HELB: variants seen among roughly 807,000 people sequenced by gnomAD.
HELB encodes the protein DNA 5'-3' helicase B.
A neutral mutation model predicts 101.7 loss-of-function variants in HELB; 96 were observed. That is an observed-to-expected ratio of 0.94 (90% CI 0.80 to 1.12). The LOEUF (loss-of-function observed/expected upper bound fraction) is 1.12. HELB is among the 50% of genes most tolerant of loss of function. HELB has a pLI of 0.00. For synonymous variants in HELB, 437 were observed against 459.7 expected (o/e 0.95, Z 0.63); for missense variants, 1,210 against 1,291.9 (o/e 0.94, Z 0.97).
At position 66,333,161 on chromosome 12, in the gene HELB, T is replaced by C. The variant is rs564239842; in HGVS notation, c.3162+1516T>C. On this transcript the variant is annotated intron_variant, in intron 12 of 12. Coordinates refer to ENST00000247815, the MANE Select transcript of HELB (RefSeq NM_001370285.1). ...ATTATATTCCAGCATAGGCAATAAA[T>C]ACAAGAGAAAATCAAATTTCAGATT... Among the ~76,000 whole-genome samples, 7 of 152,210 alleles carry C rather than the reference T, an allele frequency of 4.6e-5. No homozygotes were observed. The South Asian group carries it at 1.5e-3, about 32-fold the overall frequency.
rs1031666469 is a variant in HELB at position 66,305,596 on chromosome 12, T to C, written c.607+446T>C. 6.6e-5 allele frequency among the ~76,000 whole-genome samples: 10 copies of C among 151,844 alleles called. No individual in the cohort carries two copies. In the East Asian group the frequency reaches 1.9e-3, roughly 29 times the overall value. On this transcript the variant is annotated intron_variant, in intron 2 of 12. Transcript: ENST00000247815. ...GTCTCTACAAAAAATTTTTTAAAAATTAGCCAGGTGTGGTGATATATACCT... is the reference window on the plus strand; with the variant it reads ...GTCTCTACAAAAAATTTTTTAAAAACTAGCCAGGTGTGGTGATATATACCT...
At chr12:66,304,463 GA>G (rs1296922020) in intron 1 of HELB, among the ~76,000 whole-genome samples, 1 of 152,194 alleles carries the variant, frequency 6.6e-6, no homozygotes, top group Non-Finnish European at 1.5e-5. Context: ...TTTAGAAGAG[GA>G]ACAGCAGACA....
Position 66,304,986 on chromosome 12 carries a change from T to G in HELB, c.443T>G (p.Val148Gly). The change falls in exon 2 of 13, where the codon GTA (valine) becomes GGA (glycine). Residue 148 changes from valine to glycine, a missense_variant. Physicochemically the swap from Val to Gly is moderately radical, Grantham distance 109. Transcript: ENST00000247815. The stretch of plus-strand genomic sequence containing the variant: ...GATGTTAATAAATTTTTAACATGGG[T>G]AAAGGAGGTATCAAACTACAAAAAC... ...SDDVNKFLTW[V>G]KEVSNYKNLN... 1 of 1,613,892 alleles carries G rather than the reference T, an allele frequency of 6.2e-7. No individual in the cohort carries two copies. Among genetic ancestry groups the G allele is most frequent in the Non-Finnish European group, 8.5e-7 (1 of 1,179,930 alleles).
At chr12:66,339,140 C>G (rs535642116), downstream of HELB, 1 of 152,124 alleles carries the variant, frequency 6.6e-6, no homozygotes, top group Admixed American at 6.5e-5. Context: ...TCCTCACCAA[C>G]GTCTGATTGC....
intron 11 of HELB, among the ~76,000 whole-genome samples, chr12:66,326,705 A>C (rs531723688): frequency 6.1e-5 from 9 of 148,378 alleles, no homozygotes; most frequent in African/African-American, 2.2e-4. Flanking sequence ...GCTTATTAAA[A>C]ATGCCCACAA....
chr12:66,324,007 T>C lies in HELB; in HGVS notation c.2322T>C (p.Phe774=), dbSNP rs1330488436. The C allele has an allele frequency of 6.2e-7, 1 of 1,612,138 alleles. No homozygotes were observed. Among genetic ancestry groups the C allele is most frequent in the Non-Finnish European group, 8.5e-7 (1 of 1,178,412 alleles). The part of the protein sequence containing the change: ...LTKDHQSRLV[F]GIGDKICCTR... ...GAGACCATCAGAGTAGACTTGTTTT[T>C]GGAATTGGTGATAAAATTTGTTGTA... The change falls in exon 10 of 13, where the codon TTT becomes TTC. Residue 774 remains phenylalanine, a synonymous_variant. Coordinates refer to ENST00000247815, the MANE Select transcript of HELB (RefSeq NM_001370285.1).
At chr12:66,327,079 ATATGTT>A (rs1413692146) in intron 11 of HELB, among the ~76,000 whole-genome samples, 3 of 139,202 alleles carry the variant, frequency 2.2e-5, no homozygotes, top group African/African-American at 8.0e-5. Flanking sequence ...ATATATATAT[ATATGTT>A]TATATAGAAA....
At chr12:66,329,387 G>C (rs572147172) in intron 11 of HELB, among the ~76,000 whole-genome samples, 2 of 152,166 alleles carry the variant, frequency 1.3e-5, no homozygotes, top group Non-Finnish European at 1.5e-5. Context: ...GGAAGTACAG[G>C]GTGCTGGAGA....
At chr12:66,337,234 C>T (rs2053876683) in intron 12 of HELB, among the ~76,000 whole-genome samples, 1 of 151,920 alleles carries the variant, frequency 6.6e-6, no homozygotes, top group East Asian at 1.9e-4. Flanking sequence ...CTTCTTTTTC[C>T]CCTCTTGGAC....
chr12:66,318,652 A>G lies in HELB; in HGVS notation c.2015A>G (p.Gln672Arg), dbSNP rs2053636633. The part of the protein sequence containing the change: ...VDNATRISRR[Q>R]FPKFDAELNI... ...CTTTATTCAAGAATCTCAAGACGCC[A>G]ATTTCCAAAATTTGATGCAGAACTA... Residue 672 changes from glutamine to arginine, a missense_variant, in exon 7 of 13, where the codon CAA becomes CGA. This residue lies in a region of HELB where 740 missense variants were observed against 728.8 expected (regional missense o/e 1.02). Coordinates refer to ENST00000247815, the MANE Select transcript of HELB (RefSeq NM_001370285.1). The G allele has an allele frequency of 1.9e-6, 3 of 1,593,988 alleles. No individual in the cohort carries two copies. Among genetic ancestry groups the G allele is most frequent in the East Asian group, 2.2e-5 (1 of 44,520 alleles).
intron 3 of HELB, among the ~76,000 whole-genome samples, chr12:66,308,581 A>C (rs545919127): frequency 2.0e-5 from 3 of 152,266 alleles, no homozygotes; most frequent in East Asian, 3.9e-4. Context: ...TGGAGGCTAC[A>C]AGTCTGAGAT....
At position 66,331,311 on chromosome 12, in the gene HELB, G is replaced by C. The variant is rs2137015065; in HGVS notation, c.2828G>C (p.Arg943Thr). 1.2e-6 allele frequency: 2 copies of C among 1,614,150 alleles called. No homozygotes were observed. The highest frequency in any genetic ancestry group is 8.5e-7 in the Non-Finnish European group (1 of 1,180,012). The change falls in exon 12 of 13, where the codon AGA becomes ACA. Residue 943 changes from arginine (R) to threonine (T), a missense_variant. Arg to Thr is a moderately conservative substitution (Grantham distance 71). This residue lies in a region of HELB where 740 missense variants were observed against 728.8 expected (regional missense o/e 1.02). Transcript: ENST00000247815. ...RNAIMKNSFP[R>T]KTRLKHFLQS... The stretch of plus-strand genomic sequence containing the variant: ...GCCATTATGAAAAACAGTTTTCCTA[G>C]AAAAACTCGTTTGAAACATTTCTTG...
At chr12:66,315,218 C>A (rs368884118) in intron 5 of HELB, 24 bp from the exon 6 acceptor site, 56 of 1,511,320 alleles carry the variant, frequency 3.7e-5, no homozygotes, top group Non-Finnish European at 4.8e-5. Context: ...GTAAGTCTTG[C>A]TACTGTATCT....
At chr12:66,314,688 T>A (rs2053581816) in intron 5 of HELB, among the ~76,000 whole-genome samples, 1 of 152,098 alleles carries the variant, frequency 6.6e-6, no homozygotes. Context: ...AAATTATTAT[T>A]TTTTTAGGTA....
chr12:66,316,816 G>A lies in HELB; in HGVS notation c.2000+1433G>A, dbSNP rs112587716. On this transcript the variant is annotated intron_variant, in intron 6 of 12. Coordinates refer to ENST00000247815, the MANE Select transcript of HELB (RefSeq NM_001370285.1). ...GGGTGGATCACAAGGTCAGGAGATC[G>A]AGACCATCCTGGCTAACATGGTGAA... is the stretch of plus-strand genomic sequence containing the variant. Among the ~76,000 whole-genome samples the A allele has an allele frequency of 2.7e-3, 403 of 151,880 alleles. 5 individuals carry two copies. The highest frequency in any genetic ancestry group is 8.0e-3 in the African/African-American group (333 of 41,444).
chr12:66,334,323 T>G (rs1480600926), intron 12 of HELB, among the ~76,000 whole-genome samples: 1 of 151,382 alleles, frequency 6.6e-6, no homozygotes, highest in African/African-American at 2.4e-5. Flanking sequence ...TTAGCTGAAC[T>G]TGGTAGTGCA....
At chr12:66,314,521 T>C (rs920428085) in intron 5 of HELB, among the ~76,000 whole-genome samples, 1 of 152,168 alleles carries the variant, frequency 6.6e-6, no homozygotes, top group Non-Finnish European at 1.5e-5. Flanking sequence ...AGTAATTTCA[T>C]AATGCTAAGC....
At chr12:66,337,635 A>G (rs539608772) in intron 12 of HELB, among the ~76,000 whole-genome samples, 4 of 151,616 alleles carry the variant, frequency 2.6e-5, no homozygotes, top group Non-Finnish European at 5.9e-5. Flanking sequence ...AAAAAAAAAA[A>G]GTTCTGTAAT....
rs144899608 is a variant in HELB, at chr12:66,318,899, A to G, written c.2155+107A>G. On this transcript the variant is annotated intron_variant, in intron 7 of 12. Coordinates refer to ENST00000247815, the MANE Select transcript of HELB (RefSeq NM_001370285.1). ...ATTTTCTTTAATGGTAAAGAGAAATATTGCTAGCAAAAAAAGAGACATTGA... is the reference window on the plus strand; with the variant it reads ...ATTTTCTTTAATGGTAAAGAGAAATGTTGCTAGCAAAAAAAGAGACATTGA... 2.1e-4 allele frequency: 172 copies of G among 801,926 alleles called. 1 individual carries two copies. In the African/African-American group the frequency reaches 2.7e-3, roughly 13 times the overall value. 49.7% of individuals were successfully genotyped at this position (801,926 alleles called of 1,614,324 possible).
Sources: gnomAD v4.1 joint callset for allele counts (sites outside exome capture counted in the v4.1 genomes callset) on GRCh38, gnomAD v4.1.1 for gene constraint, gnomAD v4.1.1 regional missense constraint, MANE v1.5 for transcripts, NCBI Gene and HGNC (gene_info 2026-07-23, HGNC 2026-07-21) for gene names.